ACOX3: variants seen among roughly 807,000 people sequenced by gnomAD.
ACOX3 encodes acyl-CoA oxidase 3, pristanoyl.
Under a neutral mutation model 81.5 loss-of-function variants are expected in ACOX3, and 73 were observed. The observed-to-expected ratio is 0.90, with a 90% CI of 0.74 to 1.09. ACOX3 has a LOEUF of 1.09. Ranked by LOEUF, ACOX3 falls within the 50% of genes least tolerant of loss-of-function variation. ACOX3 has a pLI of 0.00. For missense variants in ACOX3, 947 were observed against 928.0 expected (o/e 1.02, Z -0.27); for synonymous variants, 387 against 375.1 (o/e 1.03, Z -0.37).
Position 8,429,841 on chromosome 4 carries a change from C to T in ACOX3, c.-15+10807G>A, listed in dbSNP as rs947371764. 2.6e-5 allele frequency among the ~76,000 whole-genome samples: 4 copies of T among 152,004 alleles called. No individual in the cohort carries two copies. In the East Asian group the frequency reaches 7.7e-4, roughly 29 times the overall value. ...TCTGCAGTCCCAACTACTCGTGAGG[C>T]TGAGGCGGGAGAATCACTTGAGCCC... is the stretch of plus-strand genomic sequence containing the variant. On this transcript the variant is annotated intron_variant, in intron 1 of 17. Coordinates refer to ENST00000356406, the MANE Select transcript of ACOX3 (RefSeq NM_003501.3).
chr4:8,382,896 G>A lies in ACOX3; in HGVS notation c.1538-1289C>T, dbSNP rs762916874. On this transcript the variant is annotated intron_variant, in intron 13 of 17. Coordinates refer to ENST00000356406, the MANE Select transcript of ACOX3 (RefSeq NM_003501.3). The surrounding 1 kb of genome is among the most constrained non-coding windows in gnomAD (Gnocchi z 4.1). Reference sequence around the variant, plus strand: ...AGTCCCAGCTACTCGGGAGGCTGAGGCAGGAGAATGGCGTGAACCCGGGAG... The same window carrying A: ...AGTCCCAGCTACTCGGGAGGCTGAGACAGGAGAATGGCGTGAACCCGGGAG... Among the ~76,000 whole-genome samples the A allele has an allele frequency of 1.3e-5, 2 of 151,452 alleles. No individual in the cohort carries two copies. Among genetic ancestry groups the A allele is most frequent in the Admixed American group, 6.6e-5 (1 of 15,156 alleles).
chr4:8,399,315 G>A lies in ACOX3; in HGVS notation c.873+241C>T, dbSNP rs1720078509. On this transcript the variant is annotated intron_variant, in intron 8 of 17. Coordinates refer to ENST00000356406, the MANE Select transcript of ACOX3 (RefSeq NM_003501.3). This position sits in a 1 kb window ranked among gnomAD's most constrained non-coding sequence, Gnocchi z 4.9. ...AGTCCTCTAATCGCAGCCCCCGATG[G>A]GGAGTGGGCATTGTAAGGCCCGGAC... Among the ~76,000 whole-genome samples the A allele has an allele frequency of 6.6e-6, 1 of 152,232 alleles. No individual in the cohort carries two copies. Among genetic ancestry groups the A allele is most frequent in the Non-Finnish European group, 1.5e-5 (1 of 68,048 alleles).
Position 8,389,821 on chromosome 4 carries a change from G to C in ACOX3, c.1301-87C>G. On this transcript the variant is annotated intron_variant, in intron 11 of 17. Transcript: ENST00000356406. The surrounding 1 kb of genome is among the most constrained non-coding windows in gnomAD (Gnocchi z 5.3). ...TATGTGAGAATTTAAAAAGCCTTAA[G>C]AGGCTGGGTGCGGTGGCTCACACCT... 6.4e-7 allele frequency: 1 copy of C among 1,556,766 alleles called. No individual in the cohort carries two copies.
chr4:8,418,807 T>C (rs969107958), intron 1 of ACOX3, among the ~76,000 whole-genome samples: 1 of 152,138 alleles, frequency 6.6e-6, no homozygotes, highest in African/African-American at 2.4e-5. Context: ...TGCAGTGAGC[T>C]GAGATTGTGC....
Position 8,389,995 on chromosome 4 carries a change from C to T in ACOX3, c.1301-261G>A, listed in dbSNP as rs922917428. On this transcript the variant is annotated intron_variant, in intron 11 of 17. Transcript: ENST00000356406. This position sits in a 1 kb window ranked among gnomAD's most constrained non-coding sequence, Gnocchi z 5.3. The stretch of plus-strand genomic sequence containing the variant: ...GTGTGTGCCTGTAATCTCAGCTACT[C>T]GGGAGGCTGAGGCAGGAGAATCGCT... Among the ~76,000 whole-genome samples the T allele has an allele frequency of 6.6e-6, 1 of 151,408 alleles. No homozygotes were observed. The highest frequency in any genetic ancestry group is 1.5e-5 in the Non-Finnish European group (1 of 67,916).
At chr4:8,429,918 A>G (rs1188918234) in intron 1 of ACOX3, among the ~76,000 whole-genome samples, 4 of 152,172 alleles carry the variant, frequency 2.6e-5, no homozygotes, top group Non-Finnish European at 1.5e-5. Flanking sequence ...ATTAAAAAAA[A>G]AAAAGTGAAA....
In ACOX3 at chr4:8,414,634, G is replaced by A. The variant is rs1722128550; in HGVS notation, c.453+220C>T. 6.6e-6 allele frequency among the ~76,000 whole-genome samples: 1 copy of A among 152,214 alleles called. No individual in the cohort carries two copies. Among genetic ancestry groups the A allele is most frequent in the African/African-American group, 2.4e-5 (1 of 41,448 alleles). ...GAACTGCTCATCAGGAAAAGACAGTGGAAGGCCTCAGTGACAATTCACCTG... is the reference window on the plus strand; with the variant it reads ...GAACTGCTCATCAGGAAAAGACAGTAGAAGGCCTCAGTGACAATTCACCTG... On this transcript the variant is annotated intron_variant, in intron 4 of 17. Transcript: ENST00000356406. The surrounding 1 kb of genome is among the most constrained non-coding windows in gnomAD (Gnocchi z 6.1).
At chr4:8,396,837 G>T in intron 9 of ACOX3, 100 bp downstream of exon 9, 2 of 1,395,678 alleles carry the variant, frequency 1.4e-6, no homozygotes, top group Non-Finnish European at 2.0e-6. Context: ...TGCCTTAAGA[G>T]CTTTGATCAA....
chr4:8,377,619 T>A (rs528666656), intron 14 of ACOX3, among the ~76,000 whole-genome samples: 1 of 152,322 alleles, frequency 6.6e-6, no homozygotes, highest in African/African-American at 2.4e-5. Flanking sequence ...AGGATTTGCC[T>A]GCATGATACT....
chr4:8,387,882 G>C (rs981084424), intron 13 of ACOX3, among the ~76,000 whole-genome samples: 12 of 152,222 alleles, frequency 7.9e-5, no homozygotes, highest in African/African-American at 2.9e-4. Context: ...GCTTCTGTGT[G>C]GGGGCGCAGG....
At chr4:8,393,618 C>G (rs924542933) in intron 10 of ACOX3, among the ~76,000 whole-genome samples, 1 of 83,476 alleles carries the variant, frequency 1.2e-5, no homozygotes, top group Admixed American at 1.1e-4. Flanking sequence ...CACACACGCA[C>G]ACACACACAC....
Position 8,431,577 on chromosome 4 carries a change from C to A in ACOX3, c.-15+9071G>T, listed in dbSNP as rs916467994. 6.6e-6 allele frequency among the ~76,000 whole-genome samples: 1 copy of A among 152,148 alleles called. No individual in the cohort carries two copies. The highest frequency in any genetic ancestry group is 6.5e-5 in the Admixed American group (1 of 15,284). ...GCCACTGGGACTGACACCAAGGGAG[C>A]AAATTTGGGGAAAAAAATAAGGGAA... On this transcript the variant is annotated intron_variant, in intron 1 of 17. Coordinates refer to ENST00000356406, the MANE Select transcript of ACOX3 (RefSeq NM_003501.3). This position sits in a 1 kb window ranked among gnomAD's most constrained non-coding sequence, Gnocchi z 5.3.
At position 8,389,055 on chromosome 4, in the gene ACOX3, C is replaced by T; in HGVS notation, c.1537+118G>A. On this transcript the variant is annotated intron_variant, in intron 13 of 17. Coordinates refer to ENST00000356406, the MANE Select transcript of ACOX3 (RefSeq NM_003501.3). This position sits in a 1 kb window ranked among gnomAD's most constrained non-coding sequence, Gnocchi z 5.3. Reference sequence around the variant, plus strand: ...GACAAGCTGCATGCGGGGCCTCCCACCACCACTGCTGCCCCGGCTGGAACT... The same window carrying T: ...GACAAGCTGCATGCGGGGCCTCCCATCACCACTGCTGCCCCGGCTGGAACT... The T allele has an allele frequency of 1.3e-6, 1 of 777,370 alleles. No homozygotes were observed. Among genetic ancestry groups the T allele is most frequent in the Admixed American group, 2.3e-5 (1 of 43,306 alleles). The allele number at this position is 777,370 out of a possible 1,614,324, so 48.2% of individuals were successfully genotyped here. A position where few individuals can be genotyped will look rare whatever the true frequency, so the allele number is the denominator to read the frequency against.
rs1363113739 is a variant in ACOX3 at position 8,384,712 on chromosome 4, G to A, written c.1538-3105C>T. Among the ~76,000 whole-genome samples the A allele has an allele frequency of 2.0e-5, 3 of 152,038 alleles. No individual in the cohort carries two copies. Among genetic ancestry groups the A allele is most frequent in the East Asian group, 1.9e-4 (1 of 5,174 alleles). ...CTTTCGGGTCTCGGTTTCCTCTCCC[G>A]TCTCTGGGTCCAGTCCCCTCTGCGT... On this transcript the variant is annotated intron_variant, in intron 13 of 17. Transcript: ENST00000356406. The surrounding 1 kb of genome is among the most constrained non-coding windows in gnomAD (Gnocchi z 5.3).
rs1719525352 is a variant in ACOX3 at position 8,394,953 on chromosome 4, G to A, written c.1057-211C>T. On this transcript the variant is annotated intron_variant, in intron 9 of 17. Transcript: ENST00000356406. This position sits in a 1 kb window ranked among gnomAD's most constrained non-coding sequence, Gnocchi z 5.9. ...AGTTCGGCTTTCACCCATAGCCCTT[G>A]ACAGACAAGCTCAAACGCAATTCGC... 3.7e-6 allele frequency: 2 copies of A among 541,714 alleles called. No homozygotes were observed. Among genetic ancestry groups the A allele is most frequent in the South Asian group, 4.8e-5 (2 of 41,584 alleles). The allele number at this position is 541,714 out of a possible 1,614,324, so 33.6% of individuals were successfully genotyped here. A position where few individuals can be genotyped will look rare whatever the true frequency, so the allele number is the denominator to read the frequency against.
rs913465433 is a variant in ACOX3 at position 8,437,126 on chromosome 4, T to C, written c.-15+3522A>G. Among the ~76,000 whole-genome samples the C allele has an allele frequency of 1.8e-4, 24 of 136,466 alleles. No homozygotes were observed. The highest frequency in any genetic ancestry group is 1.5e-3 in the Admixed American group (20 of 13,134). 89.5% of individuals were successfully genotyped at this position (136,466 alleles called of 152,430 possible). A position where few individuals can be genotyped will look rare whatever the true frequency, so the allele number is the denominator to read the frequency against. On this transcript the variant is annotated intron_variant, in intron 1 of 17. Transcript: ENST00000356406. The surrounding 1 kb of genome is among the most constrained non-coding windows in gnomAD (Gnocchi z 5.2). ...TTACATATATATGTAAAAAAATATA[T>C]GTAAATATATATATAAATATATATA...
At chr4:8,387,659 C>T (rs7668735) in intron 13 of ACOX3, among the ~76,000 whole-genome samples, 37,691 of 152,096 alleles carry the variant, frequency 0.25, 5,114 homozygotes, top group African/African-American at 0.37. Flanking sequence ...ACGGGTGGCA[C>T]GGAGGTGGGG....
chr4:8,397,530 T>A (rs2386226), intron 8 of ACOX3, among the ~76,000 whole-genome samples: 151,685 of 152,348 alleles, frequency 1, 75,518 homozygotes, highest in East Asian at 1. Context: ...ACAGGCAGCC[T>A]TTCCAGGGGG....
At chr4:8,434,372 T>C (rs1008915615) in intron 1 of ACOX3, among the ~76,000 whole-genome samples, 2 of 152,240 alleles carry the variant, frequency 1.3e-5, no homozygotes, top group South Asian at 2.1e-4. Context: ...CTGCAGCTCG[T>C]CCTGCTACAT....
Sources: gnomAD v4.1 joint callset for allele counts (sites outside exome capture counted in the v4.1 genomes callset) on GRCh38, gnomAD v4.1.1 for gene constraint, Gnocchi (gnomAD v3.1) non-coding constraint, MANE v1.5 for transcripts, NCBI Gene and HGNC (gene_info 2026-07-23, HGNC 2026-07-21) for gene names.